The following SLCO2A1 variants were observed in gnomAD, a reference collection of about 807,000 sequenced individuals.
The protein encoded by SLCO2A1 is solute carrier organic anion transporter family member 2A1, also known as matrin F/G 1.
SLCO2A1 carries 60 observed loss-of-function variants against 71.7 expected under a neutral mutation model. The ratio of observed to expected loss-of-function variants is 0.84; its 90% CI spans 0.68 to 1.04. The LOEUF is 1.04. Among genes scored for constraint, SLCO2A1 ranks in the 50% least tolerant of loss-of-function variants. The pLI is 0.00. For missense variants in SLCO2A1, 745 were observed against 813.4 expected, an observed-to-expected ratio of 0.92 and a Z score of 1.02; for synonymous variants, 308 against 326.7, an observed-to-expected ratio of 0.94 and a Z score of 0.62.
chr3:133,952,333 C>T (rs1188281537), intron 5 of SLCO2A1, among the ~76,000 whole-genome samples: 3 of 152,208 alleles, frequency 2.0e-5, no homozygotes, highest in Admixed American at 2.0e-4. Context: ...TAGGCTCTAG[C>T]AGCATGGTTG....
intron 1 of SLCO2A1, among the ~76,000 whole-genome samples, chr3:134,027,918 A>G (rs966790606): frequency 4.6e-5 from 7 of 152,254 alleles, no homozygotes; most frequent in Non-Finnish European, 1.0e-4. Flanking sequence ...AGTATGGATC[A>G]AAGGAGGTGA....
At chr3:133,955,398 G>C (rs2108046030) in intron 3 of SLCO2A1, 1 of 577,156 alleles carries the variant, frequency 1.7e-6, no homozygotes, top group East Asian at 2.9e-5. Context: ...GTGTGAAAGA[G>C]AGGTGGAATG....
intron 1 of SLCO2A1, among the ~76,000 whole-genome samples, chr3:133,985,483 A>T (rs1345021415): frequency 2.0e-5 from 3 of 152,232 alleles, no homozygotes; most frequent in Non-Finnish European, 4.4e-5. Context: ...TCTTCACAAA[A>T]GGAAAAGAAA....
intron 1 of SLCO2A1, among the ~76,000 whole-genome samples, chr3:133,986,820 A>G (rs1259752700): frequency 1.3e-5 from 2 of 152,230 alleles, no homozygotes; most frequent in East Asian, 3.8e-4. Context: ...CCCACAGCTC[A>G]GGATGAAGGA....
intron 1 of SLCO2A1, among the ~76,000 whole-genome samples, chr3:134,019,320 A>G (rs1012066143): frequency 6.6e-6 from 1 of 152,208 alleles, no homozygotes; most frequent in African/African-American, 2.4e-5. Context: ...AGGATTAAAT[A>G]TAGATAAAGT....
intron 13 of SLCO2A1, 115 bp from the exon 14 acceptor site, chr3:133,934,945 G>A (rs1933232508): frequency 2.6e-6 from 2 of 772,084 alleles, no homozygotes. Flanking sequence ...GGAAGGTGTG[G>A]GCACCATCCA....
In SLCO2A1 at chr3:133,979,633, A is replaced by G; in HGVS notation, c.97-15T>C. On this transcript the variant is annotated splice_polypyrimidine_tract_variant and intron_variant, in intron 1 of 13. Coordinates refer to ENST00000310926, the MANE Select transcript of SLCO2A1 (RefSeq NM_005630.3). ...AGCACAAACACCTGGGGGAAGAGTG[A>G]TGGGCCCGTGAGGTTTCTGGACGAC... is the stretch of plus-strand genomic sequence containing the variant. The G allele has an allele frequency of 1.9e-6, 3 of 1,596,584 alleles. No homozygotes were observed. Among genetic ancestry groups the G allele is most frequent in the Non-Finnish European group, 1.7e-6 (2 of 1,171,340 alleles).
intron 13 of SLCO2A1, 80 bp from the exon 14 acceptor site, chr3:133,934,910 C>G (rs940760438): frequency 3.6e-6 from 4 of 1,109,864 alleles, no homozygotes; most frequent in Non-Finnish European, 4.0e-6. Flanking sequence ...CTGGGAAGAA[C>G]CACATCATTC....
Position 133,976,667 on chromosome 3 carries a change from C to A in SLCO2A1, c.234+2814G>T, listed in dbSNP as rs561643569. 1.2e-4 allele frequency among the ~76,000 whole-genome samples: 18 copies of A among 152,044 alleles called. No individual in the cohort carries two copies. The South Asian group carries it at 3.5e-3, about 30-fold the overall frequency. ...CTCAGTCTCCTCAGCCCTGGAGCAG[C>A]CCCTAAAACACTACCATGGACTTGC... is the stretch of plus-strand genomic sequence containing the variant. On this transcript the variant is annotated intron_variant, in intron 2 of 13. Transcript: ENST00000310926.
At chr3:133,953,868 C>T in intron 4 of SLCO2A1, 107 bp from the exon 5 acceptor site, 2 of 823,786 alleles carry the variant, frequency 2.4e-6, no homozygotes, top group East Asian at 5.2e-5. Flanking sequence ...CATCTGTTCC[C>T]AAGCCTGATA....
chr3:134,020,432 G>C (rs1358499739), intron 1 of SLCO2A1, among the ~76,000 whole-genome samples: 1 of 152,196 alleles, frequency 6.6e-6, no homozygotes, highest in Non-Finnish European at 1.5e-5. Context: ...TCTCGGCGGG[G>C]GACTCCAACT....
intron 2 of SLCO2A1, 83 bp from the exon 3 acceptor site, chr3:133,973,908 C>G (rs1934392643): frequency 5.8e-6 from 8 of 1,370,398 alleles, no homozygotes; most frequent in Non-Finnish European, 7.9e-6. Context: ...ACACTTCATC[C>G]AGGAAAACTG....
chr3:133,948,744 T>G (rs1007348050), intron 7 of SLCO2A1, 44 bp from the exon 8 acceptor site: 5 of 1,604,422 alleles, frequency 3.1e-6, no homozygotes, highest in Middle Eastern at 1.8e-4. Flanking sequence ...ACCCCTGGGC[T>G]GCAGGCACAC....
chr3:133,945,645 G>A (rs962034956), intron 9 of SLCO2A1, among the ~76,000 whole-genome samples: 14 of 152,208 alleles, frequency 9.2e-5, no homozygotes, highest in East Asian at 7.7e-4. Flanking sequence ...GGCTGGGACC[G>A]CTGAGGCAAT....
intron 11 of SLCO2A1, 49 bp from the exon 12 acceptor site, chr3:133,938,542 G>T: frequency 6.4e-7 from 1 of 1,569,182 alleles, no homozygotes; most frequent in Non-Finnish European, 8.8e-7. Context: ...AGGGCTGCAC[G>T]ATCCCTTGGG....
chr3:133,950,174 G>A (rs1484275784), intron 6 of SLCO2A1, among the ~76,000 whole-genome samples: 4 of 152,046 alleles, frequency 2.6e-5, no homozygotes, highest in African/African-American at 9.7e-5. Flanking sequence ...AAGTAGCAGA[G>A]CTTCATTCAA....
At chr3:133,942,416 A>G (rs537034128) in intron 11 of SLCO2A1, 189 bp downstream of exon 11, 2 of 601,870 alleles carry the variant, frequency 3.3e-6, no homozygotes, top group Non-Finnish European at 5.7e-6. Flanking sequence ...CTCCCTGGGC[A>G]GGGCTCCCAG....
At position 133,934,812 on chromosome 3, in the gene SLCO2A1, C is replaced by T. The variant is rs759395435; in HGVS notation, c.1833G>A (p.Met611Ile). Residue 611 changes from methionine (M) to isoleucine (I), a missense_variant, in exon 14 of 14, where the codon ATG becomes ATA. Coordinates refer to ENST00000310926, the MANE Select transcript of SLCO2A1 (RefSeq NM_005630.3). ...GCAGCATGCCCAGCGCCTTGTAGCC[C>T]ATCTGCAGGCCCAGGTACCTGTGGG... is the stretch of plus-strand genomic sequence containing the variant. ...ALRDRYLGLQ[M>I]GYKALGMLLL... 6.2e-7 allele frequency: 1 copy of T among 1,611,268 alleles called. No individual in the cohort carries two copies. Among genetic ancestry groups the T allele is most frequent in the Non-Finnish European group, 8.5e-7 (1 of 1,179,878 alleles).
chr3:133,959,995 T>C (rs147076937), intron 3 of SLCO2A1, among the ~76,000 whole-genome samples: 4,642 of 151,070 alleles, frequency 0.031, 213 homozygotes, highest in African/African-American at 0.11. Context: ...TGGCTCGCAC[T>C]TGTAGTCCCA....
Sources: allele counts gnomAD v4.1 joint callset (sites outside exome capture counted in the v4.1 genomes callset), GRCh38; gene constraint gnomAD v4.1.1; transcripts MANE v1.5; gene names NCBI Gene and HGNC (gene_info 2026-07-23, HGNC 2026-07-21).